Variants in ZNF722 observed in about 807,000 individuals in gnomAD.
ZNF722 encodes zinc finger protein 722, also known as zinc finger protein 479 pseudogene.
At chr7:64,015,484 C>T in the ZNF722 span, 2 of 1,612,264 alleles carry the variant, frequency 1.2e-6, no homozygotes, top group African/African-American at 1.3e-5. Flanking sequence ...GGAGAGAAAC[C>T]CTACAGATGT....
At chr7:64,015,348 T>C in the ZNF722 span, 1 of 1,425,778 alleles carries the variant, frequency 7.0e-7, no homozygotes. Flanking sequence ...CAAATCGTTT[T>C]GCATGCCTTC....
At chr7:64,012,090 C>G in the ZNF722 span, among the ~76,000 whole-genome samples, 2 of 152,164 alleles carry the variant, frequency 1.3e-5, no homozygotes, top group African/African-American at 4.8e-5. Flanking sequence ...GCATGCGTCA[C>G]ATAGTTCTAG....
At chr7:64,016,042 A>G in the ZNF722 span, 4 of 724,742 alleles carry the variant, frequency 5.5e-6, no homozygotes, top group East Asian at 8.3e-5. Context: ...ATAGAAAATA[A>G]GAGAATCCAT....
the ZNF722 span, among the ~76,000 whole-genome samples, chr7:64,001,325 A>G: frequency 2.0e-5 from 3 of 152,148 alleles, no homozygotes; most frequent in Non-Finnish European, 4.4e-5. Flanking sequence ...GCTCCCACTT[A>G]TAAGTGACAA....
At chr7:64,014,699 CTTAAAGCTGTCATTAAAGACACCATGT>C in the ZNF722 span, among the ~76,000 whole-genome samples, 1 of 152,170 alleles carries the variant, frequency 6.6e-6, no homozygotes, top group Admixed American at 6.6e-5. Flanking sequence ...TCACAGAAGA[CTTAAAGCTGTCATTAAAGACACCATGT>C]TCTTCTACTG....
At chr7:64,004,521 G>A in the ZNF722 span, among the ~76,000 whole-genome samples, 1 of 147,190 alleles carries the variant, frequency 6.8e-6, no homozygotes, top group East Asian at 2.0e-4. Context: ...GTGATGTTGT[G>A]TCCTGTGTGC....
chr7:64,010,807 T>C, the ZNF722 span, among the ~76,000 whole-genome samples: 1 of 152,180 alleles, frequency 6.6e-6, no homozygotes, highest in African/African-American at 2.4e-5. Flanking sequence ...CTTGTTAACC[T>C]TCTGTCTTGT....
the ZNF722 span, chr7:64,015,866 T>A: frequency 3.2e-6 from 5 of 1,581,322 alleles, no homozygotes; most frequent in Non-Finnish European, 4.3e-6. Context: ...GGCATTCAAG[T>A]CTTGCTAAAC....
the ZNF722 span, among the ~76,000 whole-genome samples, chr7:64,012,343 G>C: frequency 6.6e-6 from 1 of 152,174 alleles, no homozygotes; most frequent in Non-Finnish European, 1.5e-5. Flanking sequence ...TCCTTTGGAG[G>C]AGAAGAGGCA....
At chr7:64,002,833 A>G in the ZNF722 span, among the ~76,000 whole-genome samples, 1 of 152,222 alleles carries the variant, frequency 6.6e-6, no homozygotes, top group African/African-American at 2.4e-5. Context: ...AAAAGCCAAC[A>G]AAAAATATTT....
chr7:64,012,214 G>A, the ZNF722 span, among the ~76,000 whole-genome samples: 4 of 152,022 alleles, frequency 2.6e-5, no homozygotes, highest in Admixed American at 1.3e-4. Flanking sequence ...CAATGGGTTC[G>A]AACATCCTCC....
At chr7:64,004,425 A>AAATATAT in the ZNF722 span, among the ~76,000 whole-genome samples, 1,212 of 60,974 alleles carry the variant, frequency 0.02, 24 homozygotes, top group East Asian at 0.03. Flanking sequence ...AAAAAAAAAA[A>AAATATAT]ATATATATAT....
chr7:64,013,808 T>G, the ZNF722 span, among the ~76,000 whole-genome samples: 38 of 152,144 alleles, frequency 2.5e-4, no homozygotes, highest in Non-Finnish European at 3.8e-4. Flanking sequence ...AGCATTTTAT[T>G]TAGGGTACAT....
the ZNF722 span, chr7:63,999,134 C>A: frequency 2.9e-6 from 3 of 1,045,270 alleles, no homozygotes; most frequent in South Asian, 1.4e-5. Flanking sequence ...TGTCCCAGCT[C>A]GGCTTTTAGT....
the ZNF722 span, among the ~76,000 whole-genome samples, chr7:64,004,519 G>T: frequency 0.1 from 15,284 of 145,974 alleles, 992 homozygotes; most frequent in African/African-American, 0.17. Flanking sequence ...CAGTGATGTT[G>T]TGTCCTGTGT....
chr7:64,012,488 G>T, the ZNF722 span, among the ~76,000 whole-genome samples: 1 of 152,124 alleles, frequency 6.6e-6, no homozygotes, highest in East Asian at 1.9e-4. Flanking sequence ...TGATGTGGAT[G>T]CTATTCCTTT....
At chr7:64,017,996 G>T in the ZNF722 span, among the ~76,000 whole-genome samples, 1 of 152,098 alleles carries the variant, frequency 6.6e-6, no homozygotes, top group South Asian at 2.1e-4. Flanking sequence ...ATAAGAGATT[G>T]TTTATCAATT....
At chr7:64,015,896 A>G in the ZNF722 span, 1 of 1,548,428 alleles carries the variant, frequency 6.5e-7, no homozygotes, top group Non-Finnish European at 8.9e-7. Context: ...TTCATACTGG[A>G]GAGAAACCCT....
the ZNF722 span, among the ~76,000 whole-genome samples, chr7:64,007,069 A>C: frequency 6.6e-6 from 1 of 151,612 alleles, no homozygotes; most frequent in Admixed American, 6.6e-5. Context: ...ATTTCTTTAC[A>C]TCATCAACAT....
Sources: gnomAD v4.1 joint callset for allele counts (sites outside exome capture counted in the v4.1 genomes callset) on GRCh38, gnomAD v4.1.1 for gene constraint, MANE v1.5 for transcripts, NCBI Gene and HGNC (gene_info 2026-07-23, HGNC 2026-07-21) for gene names.